TMEM266: variants seen among roughly 807,000 people sequenced by gnomAD.
TMEM266 encodes the protein Hv1 related protein 1.
Under a neutral mutation model 50.5 loss-of-function variants are expected in TMEM266, and 33 were observed. The observed-to-expected ratio is 0.65, with a 90% CI of 0.50 to 0.87. The LOEUF is 0.87. Among genes scored for constraint, TMEM266 ranks in the 40% least tolerant of loss-of-function variants. TMEM266 has a pLI of 0.00. For synonymous variants in TMEM266, 310 were observed against 292.3 expected, an observed-to-expected ratio of 1.06 and a Z score of -0.62; for missense variants, 655 against 695.1, an observed-to-expected ratio of 0.94 and a Z score of 0.65.
At chr15:76,179,799 C>CAACACCTGGCCTGGCGCGATGGCT (rs1226315476) in intron 8 of TMEM266, among the ~76,000 whole-genome samples, 1 of 152,152 alleles carries the variant, frequency 6.6e-6, no homozygotes, top group African/African-American at 2.4e-5. Context: ...AGTTTAAATA[C>CAACACCTGGCCTGGCGCGATGGCT]AACACCTGGC....
At chr15:76,187,754 C>T (rs112621691) in intron 8 of TMEM266, among the ~76,000 whole-genome samples, 2,120 of 152,284 alleles carry the variant, frequency 0.014, 57 homozygotes, top group African/African-American at 0.049. Flanking sequence ...AGCATGAGGC[C>T]TCAGTCTTTG....
intron 1 of TMEM266, among the ~76,000 whole-genome samples, chr15:76,132,577 C>G (rs1294342055): frequency 6.6e-6 from 1 of 150,654 alleles, no homozygotes; most frequent in East Asian, 2.0e-4. Context: ...GGGCGGATCA[C>G]TTGAGGTAAG....
chr15:76,095,705 G>C (rs2036911971), intron 1 of TMEM266, among the ~76,000 whole-genome samples: 2 of 151,978 alleles, frequency 1.3e-5, no homozygotes, highest in South Asian at 4.1e-4. Context: ...GCTCCTCCTT[G>C]TACCTCTGGT....
rs1316343626 is a variant in TMEM266 at position 76,139,862 on chromosome 15, C to T, written c.227+1967C>T. Among the ~76,000 whole-genome samples, 3 of 152,212 alleles carry T rather than the reference C, an allele frequency of 2.0e-5. No individual in the cohort carries two copies. The highest frequency in any genetic ancestry group is 4.4e-5 in the Non-Finnish European group (3 of 68,040). On this transcript the variant is annotated intron_variant, in intron 3 of 10. Transcript: ENST00000388942. This position sits in a 1 kb window ranked among gnomAD's most constrained non-coding sequence, Gnocchi z 4.1. ...CCACATGTGCCCCCTGTGCGTGTTA[C>T]GGCACCGCGGGTGGACCTTGCTATG...
chr15:76,181,559 T>TTTTG (rs1377486559), intron 8 of TMEM266: 1 of 152,188 alleles, frequency 6.6e-6, no homozygotes, highest in African/African-American at 2.4e-5. Flanking sequence ...TTTCCATTCT[T>TTTTG]TTTGTTTGTT....
chr15:76,202,176 A>G (rs1596176301), intron 9 of TMEM266, 26 bp from the exon 10 acceptor site: 1 of 1,596,548 alleles, frequency 6.3e-7, no homozygotes, highest in Non-Finnish European at 8.6e-7. Flanking sequence ...TGATGCACTC[A>G]CCCTTCTCTG....
rs112180870 is a variant in TMEM266, at chr15:76,134,498, C to A, written c.38+197C>A. ...GAAGGTGAATTAATAAAATGGGAATCGCAAGGAAATTTAGAAATCTGAGAG... is the reference window on the plus strand; with the variant it reads ...GAAGGTGAATTAATAAAATGGGAATAGCAAGGAAATTTAGAAATCTGAGAG... On this transcript the variant is annotated intron_variant, in intron 2 of 10. Coordinates refer to ENST00000388942, the MANE Select transcript of TMEM266 (RefSeq NM_152335.3). 2.6e-3 allele frequency among the ~76,000 whole-genome samples: 392 copies of A among 152,268 alleles called. 1 individual carries two copies. The highest frequency in any genetic ancestry group is 9.0e-3 in the African/African-American group (374 of 41,552).
At chr15:76,061,952 GTC>G (rs1156649738) in intron 1 of TMEM266, among the ~76,000 whole-genome samples, 5 of 152,192 alleles carry the variant, frequency 3.3e-5, no homozygotes, top group Non-Finnish European at 5.9e-5. Flanking sequence ...TCGTAATCCA[GTC>G]TCTCTATGAT....
intron 7 of TMEM266, 35 bp from the exon 8 acceptor site, chr15:76,175,524 G>A: frequency 6.4e-7 from 1 of 1,570,610 alleles, no homozygotes; most frequent in Non-Finnish European, 8.7e-7. Flanking sequence ...CCCTGCCACT[G>A]CTGAATTCTT....
At chr15:76,111,912 T>C (rs1211346279) in intron 1 of TMEM266, 1 of 152,188 alleles carries the variant, frequency 6.6e-6, no homozygotes, top group Non-Finnish European at 1.5e-5. Flanking sequence ...GTAAACAAAC[T>C]GTAATACATC....
intron 8 of TMEM266, among the ~76,000 whole-genome samples, chr15:76,185,308 TTCTC>T (rs369050718): frequency 6.6e-6 from 1 of 151,884 alleles, no homozygotes; most frequent in Non-Finnish European, 1.5e-5. Flanking sequence ...CCACTATTCA[TTCTC>T]TCTCTCTCTC....
intron 9 of TMEM266, among the ~76,000 whole-genome samples, chr15:76,193,791 G>A (rs762426640): frequency 2.0e-5 from 3 of 152,148 alleles, no homozygotes; most frequent in Non-Finnish European, 4.4e-5. Flanking sequence ...TGGGTTTCAC[G>A]CACAGGCAGT....
chr15:76,086,928 C>T lies in TMEM266; in HGVS notation c.-97+26912C>T, dbSNP rs572471337. 8.3e-5 allele frequency among the ~76,000 whole-genome samples: 7 copies of T among 84,656 alleles called. No individual in the cohort carries two copies. In the East Asian group the frequency reaches 1.1e-3, roughly 13 times the overall value. The allele number at this position is 84,656 out of a possible 152,430, so 55.5% of individuals were successfully genotyped here. ...TGCCATGCAGAAAAAGGGAGCAGGT[C>T]GGGGGGGGGGCGGTGGTGTTGCAAA... On this transcript the variant is annotated intron_variant, in intron 1 of 10. Coordinates refer to ENST00000388942, the MANE Select transcript of TMEM266 (RefSeq NM_152335.3).
chr15:76,086,851 G>A (rs1303545812), intron 1 of TMEM266, among the ~76,000 whole-genome samples: 1 of 150,488 alleles, frequency 6.6e-6, no homozygotes, highest in Non-Finnish European at 1.5e-5. Context: ...CCCATAACCA[G>A]CCTGATTGTT....
At chr15:76,083,806 T>G (rs1002760445) in intron 1 of TMEM266, among the ~76,000 whole-genome samples, 12 of 152,128 alleles carry the variant, frequency 7.9e-5, no homozygotes, top group African/African-American at 2.7e-4. Flanking sequence ...ATAGTGTCTG[T>G]CCGGTGGTGG....
intron 1 of TMEM266, among the ~76,000 whole-genome samples, chr15:76,078,725 A>G (rs1448073834): frequency 6.6e-6 from 1 of 152,190 alleles, no homozygotes; most frequent in Non-Finnish European, 1.5e-5. Context: ...TTCCTTCCCT[A>G]AAGGGAAGAA....
intron 1 of TMEM266, among the ~76,000 whole-genome samples, chr15:76,121,835 T>G (rs2037351729): frequency 6.6e-6 from 1 of 152,242 alleles, no homozygotes. Context: ...TCCTTGATAG[T>G]CTTTCACTAT....
Position 76,204,425 on chromosome 15 carries a change from C to G in TMEM266, c.*110C>G, listed in dbSNP as rs1173738796. 4.1e-5 allele frequency: 45 copies of G among 1,084,946 alleles called. No homozygotes were observed. Among genetic ancestry groups the G allele is most frequent in the Non-Finnish European group, 5.8e-5 (44 of 762,990 alleles). The allele number at this position is 1,084,946 out of a possible 1,614,324, so 67.2% of individuals were successfully genotyped here. A position where few individuals can be genotyped will look rare whatever the true frequency, so the allele number is the denominator to read the frequency against. On this transcript the variant is annotated 3_prime_UTR_variant, in exon 11 of 11. Transcript: ENST00000388942. Reference sequence around the variant, plus strand: ...CGGGGCCCAGGAGCCCACCTGGCCTCCCTCAGGGTGCTGCCTGCCTCCAGG... The same window carrying G: ...CGGGGCCCAGGAGCCCACCTGGCCTGCCTCAGGGTGCTGCCTGCCTCCAGG...
intron 3 of TMEM266, among the ~76,000 whole-genome samples, chr15:76,144,436 C>G (rs2037726754): frequency 6.6e-6 from 1 of 152,174 alleles, no homozygotes; most frequent in African/African-American, 2.4e-5. Context: ...CATGAAGCTA[C>G]TGCTGCCGAT....
Sources: gnomAD v4.1 joint callset for allele counts (sites outside exome capture counted in the v4.1 genomes callset) on GRCh38, gnomAD v4.1.1 for gene constraint, Gnocchi (gnomAD v3.1) non-coding constraint, MANE v1.5 for transcripts, NCBI Gene and HGNC (gene_info 2026-07-23, HGNC 2026-07-21) for gene names.